Variants in MBNL2 observed in about 807,000 individuals in gnomAD.
The protein encoded by MBNL2 is muscleblind like splicing regulator 2, also known as muscleblind-like protein 2.
MBNL2 carries 17 observed loss-of-function variants against 41.9 expected under a neutral mutation model. That is an observed-to-expected ratio of 0.41 (90% CI 0.28 to 0.61). MBNL2 has a LOEUF of 0.61. MBNL2 is among the 20% of genes least tolerant of loss of function. The pLI is 0.35. For synonymous variants in MBNL2, 195 were observed against 182.9 expected (o/e 1.07, Z -0.53); for missense variants, 336 against 505.6 (o/e 0.66, Z 3.22).
intron 2 of MBNL2, among the ~76,000 whole-genome samples, chr13:97,316,939 G>T (rs2059109985): frequency 6.6e-6 from 1 of 152,196 alleles, no homozygotes; most frequent in African/African-American, 2.4e-5. Context: ...AACACTGCCT[G>T]GCCCAAGGTA....
intron 1 of MBNL2, among the ~76,000 whole-genome samples, chr13:97,245,035 T>C (rs1229315782): frequency 6.6e-6 from 1 of 152,218 alleles, no homozygotes; most frequent in Non-Finnish European, 1.5e-5. Context: ...TAAGTAAGAT[T>C]ACAGGTATTT....
chr13:97,188,729 G>A, the MBNL2 span, among the ~76,000 whole-genome samples: 3 of 151,618 alleles, frequency 2.0e-5, no homozygotes, highest in African/African-American at 4.8e-5. Flanking sequence ...TTAGGCAGAG[G>A]GCCAATACTT....
intron 5 of MBNL2, among the ~76,000 whole-genome samples, chr13:97,354,067 C>T (rs1000093012): frequency 6.6e-6 from 1 of 151,514 alleles, no homozygotes; most frequent in Non-Finnish European, 1.5e-5. Flanking sequence ...GCCTAGCTGC[C>T]CATAGGACCT....
chr13:97,161,991 C>G, the MBNL2 span, among the ~76,000 whole-genome samples: 1 of 152,150 alleles, frequency 6.6e-6, no homozygotes. Flanking sequence ...TTAATTGGCT[C>G]GTGGTTCCAC....
At chr13:97,336,130 C>A (rs1278390673) in intron 3 of MBNL2, among the ~76,000 whole-genome samples, 1 of 152,120 alleles carries the variant, frequency 6.6e-6, no homozygotes, top group Non-Finnish European at 1.5e-5. Context: ...ATTAGTTGAA[C>A]TTTTTTTGAA....
chr13:97,233,169 A>G (rs1313430245), intron 1 of MBNL2, among the ~76,000 whole-genome samples: 1 of 115,280 alleles, frequency 8.7e-6, no homozygotes, highest in Non-Finnish European at 1.8e-5. Flanking sequence ...ATATATATAT[A>G]TATATATCTT....
chr13:97,223,815 G>A (rs1007939247), intron 1 of MBNL2, among the ~76,000 whole-genome samples: 2 of 152,134 alleles, frequency 1.3e-5, no homozygotes, highest in African/African-American at 4.8e-5. Context: ...GATTCTTCTA[G>A]ACCCACTGTT....
chr13:97,318,490 T>C (rs1405424027), intron 2 of MBNL2, among the ~76,000 whole-genome samples: 2 of 152,210 alleles, frequency 1.3e-5, no homozygotes, highest in African/African-American at 2.4e-5. Flanking sequence ...AACAGCACGG[T>C]GTCTAGCATG....
At chr13:97,355,592 C>T (rs2062917011) in intron 5 of MBNL2, among the ~76,000 whole-genome samples, 1 of 151,862 alleles carries the variant, frequency 6.6e-6, no homozygotes, top group African/African-American at 2.4e-5. Flanking sequence ...GCAAAGAATT[C>T]CATCATAGAA....
chr13:97,167,759 C>G, the MBNL2 span, among the ~76,000 whole-genome samples: 1 of 152,098 alleles, frequency 6.6e-6, no homozygotes, highest in Non-Finnish European at 1.5e-5. Flanking sequence ...TGTGCCTCAT[C>G]AAGTTGAGAC....
chr13:97,311,702 T>C (rs1357123664), intron 2 of MBNL2, among the ~76,000 whole-genome samples: 1 of 149,844 alleles, frequency 6.7e-6, no homozygotes. Context: ...GTGGTGCTCA[T>C]GCAGAAGTCC....
At position 97,373,605 on chromosome 13, in the gene MBNL2, A is replaced by AATATATATATATAT. The variant is rs35049420; in HGVS notation, c.1048+8441_1048+8454dup. Among the ~76,000 whole-genome samples, 90 of 145,402 alleles carry AATATATATATATAT rather than the reference A, an allele frequency of 6.2e-4. 1 individual carries two copies. Among genetic ancestry groups the AATATATATATATAT allele is most frequent in the African/African-American group, 1.8e-3 (71 of 39,530 alleles). Reference sequence around the variant, plus strand: ...ATCCAGACTTACTTAGTATGCTAAAAATATATATATATATATATATTAAGG... The same window carrying AATATATATATATAT: ...ATCCAGACTTACTTAGTATGCTAAAAATATATATATATATATATATATATATATATATATTAAGG... On this transcript the variant is annotated intron_variant, in intron 8 of 8. Transcript: ENST00000679496.
In MBNL2 at chr13:97,226,661, T is replaced by C. The variant is rs546910117; in HGVS notation, c.-605+4130T>C. On this transcript the variant is annotated intron_variant, in intron 1 of 8. Coordinates refer to ENST00000679496, the MANE Select transcript of MBNL2 (RefSeq NM_001382683.1). ...GACTTTTGAGTTTTAGGTATCTGTA[T>C]GTATGTACTTTCTTGACCTCTGTTA... is the stretch of plus-strand genomic sequence containing the variant. 7.2e-5 allele frequency among the ~76,000 whole-genome samples: 11 copies of C among 152,350 alleles called. No individual in the cohort carries two copies. In the East Asian group the frequency reaches 1.3e-3, roughly 19 times the overall value.
At chr13:97,173,807 A>G in the MBNL2 span, among the ~76,000 whole-genome samples, 11 of 152,226 alleles carry the variant, frequency 7.2e-5, no homozygotes, top group African/African-American at 1.2e-4. Context: ...TGCGCCTTCT[A>G]TCTTTGCCTG....
the MBNL2 span, among the ~76,000 whole-genome samples, chr13:97,185,976 C>A: frequency 6.6e-6 from 1 of 152,216 alleles, no homozygotes; most frequent in Non-Finnish European, 1.5e-5. Context: ...CTACTTATGG[C>A]CCATGCCTGG....
intron 2 of MBNL2, among the ~76,000 whole-genome samples, chr13:97,314,601 A>G (rs1462071826): frequency 1.3e-5 from 2 of 152,210 alleles, no homozygotes. Flanking sequence ...CAATCATGCA[A>G]TGAATGGATG....
intron 8 of MBNL2, among the ~76,000 whole-genome samples, chr13:97,387,674 G>A (rs2066038502): frequency 6.6e-6 from 1 of 152,158 alleles, no homozygotes; most frequent in Non-Finnish European, 1.5e-5. Flanking sequence ...TGAGCAGAGT[G>A]ACATCTCCAA....
Position 97,391,641 on chromosome 13 carries a change from C to T in MBNL2, c.*192C>T, listed in dbSNP as rs2066394356. 6.0e-6 allele frequency: 3 copies of T among 496,204 alleles called. No homozygotes were observed. Among genetic ancestry groups the T allele is most frequent in the Non-Finnish European group, 1.1e-5 (3 of 285,134 alleles). The allele number at this position is 496,204 out of a possible 1,614,324, so 30.7% of individuals were successfully genotyped here. ...AAGGGTTTCTAAACATAGTTTCTGT[C>T]CTAGGAATATTGTCTTATCTCCATA... On this transcript the variant is annotated 3_prime_UTR_variant, in exon 9 of 9. Coordinates refer to ENST00000679496, the MANE Select transcript of MBNL2 (RefSeq NM_001382683.1).
At chr13:97,251,690 A>G (rs555739870) in intron 1 of MBNL2, among the ~76,000 whole-genome samples, 1 of 152,182 alleles carries the variant, frequency 6.6e-6, no homozygotes, top group African/African-American at 2.4e-5. Context: ...AATTAGATCA[A>G]TTGGTGAATC....
Sources: allele counts gnomAD v4.1 joint callset (sites outside exome capture counted in the v4.1 genomes callset), GRCh38; gene constraint gnomAD v4.1.1; transcripts MANE v1.5; gene names NCBI Gene and HGNC (gene_info 2026-07-23, HGNC 2026-07-21).